ERBIN: variants seen among roughly 807,000 people sequenced by gnomAD.
The protein encoded by ERBIN is densin-180-like protein.
A neutral mutation model predicts 158.4 loss-of-function variants in ERBIN; 60 were observed. The ratio of observed to expected loss-of-function variants is 0.38; its 90% CI spans 0.31 to 0.47. The LOEUF is 0.47. ERBIN is among the 20% of genes least tolerant of loss of function. The probability of loss-of-function intolerance (pLI) is 0.99; values close to 1 mark genes in which losing one functional copy is unlikely to be tolerated. For missense variants in ERBIN, 1,610 were observed against 1,648.0 expected (o/e 0.98, Z 0.40); for synonymous variants, 594 against 557.2 (o/e 1.07, Z -0.93).
chr5:65,968,976 T>A (rs543771735), intron 1 of ERBIN, among the ~76,000 whole-genome samples: 1 of 152,334 alleles, frequency 6.6e-6, no homozygotes, highest in South Asian at 2.1e-4. Context: ...AAGGGAAATA[T>A]CGTGATTGAG....
intron 1 of ERBIN, among the ~76,000 whole-genome samples, chr5:65,959,001 T>C (rs536177848): frequency 3.0e-4 from 45 of 152,342 alleles, no homozygotes; most frequent in Non-Finnish European, 5.1e-4. Context: ...ACCCCCATTA[T>C]AAGACAAGGA....
chr5:66,030,147 T>C (rs1756705057), intron 14 of ERBIN, among the ~76,000 whole-genome samples: 1 of 152,142 alleles, frequency 6.6e-6, no homozygotes, highest in African/African-American at 2.4e-5. Flanking sequence ...CAAGCAATTC[T>C]CCTGCCTCAG....
At chr5:65,987,567 A>G (rs1302508611) in intron 1 of ERBIN, among the ~76,000 whole-genome samples, 1 of 151,938 alleles carries the variant, frequency 6.6e-6, no homozygotes, top group Non-Finnish European at 1.5e-5. Context: ...GTCTCAAAAA[A>G]AAGTCCAGGC....
chr5:66,077,528 C>T (rs1202534693), intron 25 of ERBIN, among the ~76,000 whole-genome samples: 2 of 151,964 alleles, frequency 1.3e-5, no homozygotes, highest in African/African-American at 4.8e-5. Flanking sequence ...GCTGAAAGTA[C>T]AGATTCTGAA....
intron 24 of ERBIN, 117 bp from the exon 25 acceptor site, chr5:66,076,758 G>A (rs1187761642): frequency 1.3e-6 from 1 of 743,082 alleles, no homozygotes; most frequent in Admixed American, 2.5e-5. Flanking sequence ...GAGAAGTCAG[G>A]GAGAAAACTT....
intron 20 of ERBIN, 84 bp from the exon 21 acceptor site, chr5:66,053,322 C>A: frequency 1.3e-6 from 1 of 784,838 alleles, no homozygotes; most frequent in Non-Finnish European, 1.9e-6. Flanking sequence ...AACTTGTCTA[C>A]CTACACAATT....
chr5:66,044,393 G>A, intron 17 of ERBIN, 83 bp downstream of exon 17: 1 of 1,283,950 alleles, frequency 7.8e-7, no homozygotes, highest in South Asian at 1.5e-5. Flanking sequence ...CCCTTTTCAT[G>A]TACTCTGAAT....
chr5:66,021,429 A>G, intron 8 of ERBIN, 44 bp downstream of exon 8: 1 of 1,304,636 alleles, frequency 7.7e-7, no homozygotes, highest in Non-Finnish European at 1.1e-6. Context: ...CTTATATTTA[A>G]TGAAGAACAA....
chr5:66,037,228 G>A (rs562275844), intron 14 of ERBIN, among the ~76,000 whole-genome samples: 1 of 152,054 alleles, frequency 6.6e-6, no homozygotes, highest in African/African-American at 2.4e-5. Context: ...GAAAAATTTG[G>A]TGTAAAAGAG....
chr5:66,012,597 T>C (rs1295952642), intron 5 of ERBIN, among the ~76,000 whole-genome samples: 1 of 152,198 alleles, frequency 6.6e-6, no homozygotes, highest in Non-Finnish European at 1.5e-5. Context: ...CAGAAGATTG[T>C]GAATGTCCAT....
At chr5:66,044,041 AT>A (rs1758173346) in intron 16 of ERBIN, 95 bp from the exon 17 acceptor site, 2 of 829,476 alleles carry the variant, frequency 2.4e-6, no homozygotes, top group Admixed American at 7.1e-5. Flanking sequence ...TGAGCTTGAT[AT>A]CTAATGTAAT....
chr5:66,074,045 A>ATT (rs397884229), intron 22 of ERBIN, among the ~76,000 whole-genome samples: 1,569 of 91,916 alleles, frequency 0.017, 67 homozygotes, highest in East Asian at 0.047. Context: ...TGCCCAGCTA[A>ATT]TTTTTTTTTT....
intron 21 of ERBIN, among the ~76,000 whole-genome samples, chr5:66,056,844 TA>T (rs1554066542): frequency 9.4e-6 from 1 of 106,624 alleles, no homozygotes; most frequent in Non-Finnish European, 2.0e-5. Context: ...GACTACACTG[TA>T]GTATCTTCTA....
intron 1 of ERBIN, among the ~76,000 whole-genome samples, chr5:65,973,289 A>T (rs1013979492): frequency 6.6e-6 from 1 of 151,314 alleles, no homozygotes; most frequent in Admixed American, 6.5e-5. Context: ...GCATTAGGAG[A>T]TATACCCAAT....
chr5:65,977,153 C>T (rs1327809461), intron 1 of ERBIN, among the ~76,000 whole-genome samples: 1 of 149,104 alleles, frequency 6.7e-6, no homozygotes, highest in Non-Finnish European at 1.5e-5. Flanking sequence ...GGGCTGACTC[C>T]CCCACCTCCC....
At chr5:66,027,041 T>G (rs1756334331) in intron 13 of ERBIN, among the ~76,000 whole-genome samples, 1 of 151,994 alleles carries the variant, frequency 6.6e-6, no homozygotes, top group African/African-American at 2.4e-5. Flanking sequence ...ATGTCCATAC[T>G]TTTTCGTGAG....
rs528565578 is a variant in ERBIN at position 66,073,351 on chromosome 5, C to T, written c.3756+1060C>T. Among the ~76,000 whole-genome samples the T allele has an allele frequency of 1.1e-4, 17 of 152,294 alleles. No individual in the cohort carries two copies. In the East Asian group the frequency reaches 3.1e-3, roughly 28 times the overall value. ...GCAACAGCAGAACCAGTTAATTACT[C>T]ATGGGCAAATCAGTTGCATTAAATC... On this transcript the variant is annotated intron_variant, in intron 22 of 25. Coordinates refer to ENST00000284037, the MANE Select transcript of ERBIN (RefSeq NM_001253697.2).
chr5:66,029,447 C>G (rs750134151), intron 14 of ERBIN, among the ~76,000 whole-genome samples: 3 of 152,086 alleles, frequency 2.0e-5, no homozygotes, highest in Non-Finnish European at 4.4e-5. Flanking sequence ...TCTTGGGAAA[C>G]TATATTATAT....
chr5:66,021,868 A>G (rs992619377), intron 8 of ERBIN, among the ~76,000 whole-genome samples: 3 of 152,252 alleles, frequency 2.0e-5, no homozygotes, highest in African/African-American at 4.8e-5. Flanking sequence ...TGTGCTTTGT[A>G]TGCCAAGTGC....
Sources: allele counts gnomAD v4.1 joint callset (sites outside exome capture counted in the v4.1 genomes callset), GRCh38; gene constraint gnomAD v4.1.1; transcripts MANE v1.5; gene names NCBI Gene and HGNC (gene_info 2026-07-23, HGNC 2026-07-21).